The following ANK2 variants were observed in gnomAD, a reference collection of about 807,000 sequenced individuals.
ANK2 encodes ankyrin 2.
In ANK2, 83 loss-of-function variants were observed where a neutral mutation model predicts 360.5. That is an observed-to-expected ratio of 0.23 (90% CI 0.19 to 0.28). The LOEUF (loss-of-function observed/expected upper bound fraction) is 0.28. ANK2 is among the 10% of genes least tolerant of loss of function. The pLI, the probability that ANK2 is intolerant of heterozygous loss-of-function variation, is 1.00. For missense variants in ANK2, 4,201 were observed against 4,795.7 expected (o/e 0.88, Z 3.66); for synonymous variants, 1,740 against 1,759.5 (o/e 0.99, Z 0.28).
chr4:113,198,950 A>G, intron 3 of ANK2, 61 bp from the exon 4 acceptor site: 2 of 1,416,706 alleles, frequency 1.4e-6, no homozygotes, highest in Non-Finnish European at 1.0e-6. Flanking sequence ...ATGCCTGCAC[A>G]TTTTGATTTC....
intron 26 of ANK2, chr4:113,323,900 T>C (rs2088072578): frequency 1.5e-5 from 15 of 979,506 alleles, no homozygotes; most frequent in South Asian, 2.3e-5. Flanking sequence ...AGTGTGAAGA[T>C]ACCTAGCCAA....
intron 37 of ANK2, among the ~76,000 whole-genome samples, chr4:113,351,401 G>A (rs751415378): frequency 6.6e-6 from 1 of 152,070 alleles, no homozygotes; most frequent in African/African-American, 2.4e-5. Flanking sequence ...GATCTAGAAT[G>A]TTTGAGATTC....
intron 9 of ANK2, 146 bp downstream of exon 9, chr4:113,242,355 A>T (rs1023387840): frequency 2.6e-6 from 2 of 779,714 alleles, no homozygotes; most frequent in Admixed American, 2.0e-5. Context: ...CTCATACAAC[A>T]TTTAAAGGGT....
intron 15 of ANK2, among the ~76,000 whole-genome samples, chr4:113,276,312 G>A (rs1056315366): frequency 6.6e-6 from 1 of 152,162 alleles, no homozygotes; most frequent in African/African-American, 2.4e-5. Flanking sequence ...AGACATTTAA[G>A]AGGGTAAATG....
intron 4 of ANK2, among the ~76,000 whole-genome samples, chr4:113,216,889 C>CT (rs2099090934): frequency 6.8e-6 from 1 of 146,868 alleles, no homozygotes; most frequent in East Asian, 2.1e-4. Flanking sequence ...AGTTCAAACA[C>CT]TATTTTTTTT....
intron 1 of ANK2, among the ~76,000 whole-genome samples, chr4:113,063,283 G>C (rs1042154608): frequency 6.6e-6 from 1 of 152,032 alleles, no homozygotes; most frequent in African/African-American, 2.4e-5. Flanking sequence ...CATACCTGCA[G>C]CCAACATTGT....
chr4:112,907,063 A>G (rs2085494139), intron 2 of ANK2, among the ~76,000 whole-genome samples: 1 of 152,206 alleles, frequency 6.6e-6, no homozygotes, highest in Admixed American at 6.5e-5. Context: ...GATTACTTTA[A>G]CACTACAAAA....
At chr4:113,237,315 C>A in intron 6 of ANK2, 143 bp downstream of exon 6, 1 of 1,099,650 alleles carries the variant, frequency 9.1e-7, no homozygotes, top group Non-Finnish European at 1.3e-6. Context: ...AGAGGTATTT[C>A]AGAAAGAAGG....
intron 1 of ANK2, among the ~76,000 whole-genome samples, chr4:112,876,974 T>C (rs2075304790): frequency 6.6e-6 from 1 of 152,076 alleles, no homozygotes; most frequent in African/African-American, 2.4e-5. Context: ...AATTTTTTTC[T>C]ACCCAACAAT....
At chr4:112,751,136 A>G in the ANK2 span, among the ~76,000 whole-genome samples, 1 of 152,026 alleles carries the variant, frequency 6.6e-6, no homozygotes, top group African/African-American at 2.4e-5. Flanking sequence ...CTATCCCTAA[A>G]TTCTTATGCT....
chr4:112,728,308 A>AG, the ANK2 span, among the ~76,000 whole-genome samples: 4 of 150,414 alleles, frequency 2.7e-5, no homozygotes, highest in African/African-American at 9.7e-5. Context: ...AAAAAAAAAA[A>AG]AAAAAAAAAA....
the ANK2 span, among the ~76,000 whole-genome samples, chr4:112,708,178 G>A: frequency 1.3e-5 from 2 of 152,128 alleles, no homozygotes; most frequent in East Asian, 3.8e-4. Context: ...TCTACTAAGT[G>A]GTGAAATGTT....
chr4:112,823,213 A>G (rs544985956), intron 1 of ANK2, among the ~76,000 whole-genome samples: 5 of 152,330 alleles, frequency 3.3e-5, no homozygotes, highest in South Asian at 4.1e-4. Context: ...TGGATATGCA[A>G]TAGTCAGTTT....
intron 37 of ANK2, 188 bp downstream of exon 37, chr4:113,350,437 G>A (rs2095335950): frequency 5.8e-6 from 3 of 514,564 alleles, no homozygotes; most frequent in South Asian, 6.0e-5. Context: ...CCTAATTTGC[G>A]AGCTAATTAG....
intron 4 of ANK2, among the ~76,000 whole-genome samples, chr4:113,210,707 A>T (rs1297880284): frequency 6.6e-6 from 1 of 152,230 alleles, no homozygotes. Context: ...AGAAATAATT[A>T]TGTAAAACGC....
chr4:113,086,164 T>G (rs949742827), intron 1 of ANK2, among the ~76,000 whole-genome samples: 12 of 152,152 alleles, frequency 7.9e-5, no homozygotes, highest in African/African-American at 2.9e-4. Flanking sequence ...CAGAACACAT[T>G]TAGGAACCAC....
At chr4:113,207,703 A>G (rs2098969623) in intron 4 of ANK2, among the ~76,000 whole-genome samples, 1 of 146,042 alleles carries the variant, frequency 6.8e-6, no homozygotes, top group South Asian at 2.1e-4. Flanking sequence ...AAAAAAAAAA[A>G]AAAGAAGAAG....
At chr4:113,272,912 T>C (rs2059048804) in intron 14 of ANK2, among the ~76,000 whole-genome samples, 1 of 152,196 alleles carries the variant, frequency 6.6e-6, no homozygotes, top group Non-Finnish European at 1.5e-5. Context: ...TTCCTTGGTT[T>C]TTAAATTGTT....
chr4:113,358,976 G>C lies in ANK2; in HGVS notation c.10358G>C (p.Cys3453Ser), dbSNP rs1554572092. 2 of 1,613,962 alleles carry C rather than the reference G, an allele frequency of 1.2e-6. No homozygotes were observed. The highest frequency in any genetic ancestry group is 8.5e-7 in the Non-Finnish European group (1 of 1,179,984). ...PVKSRSTTSS[C>S]RGGTSPTKES... is the part of the protein sequence containing the mutation. Reference sequence around the variant, plus strand: ...AAGAGCAGAAGCACTACATCTTCCTGCAGGGGGGGCACGAGCCCCACAAAA... The same window carrying C: ...AAGAGCAGAAGCACTACATCTTCCTCCAGGGGGGGCACGAGCCCCACAAAA... Residue 3453 changes from cysteine to serine, a missense_variant, in exon 38 of 46, where the codon TGC becomes TCC. Around this residue, in one of 4 missense-constraint regions of ANK2, gnomAD observed 2,642 missense variants for 2,714.5 expected, o/e 0.97. Coordinates refer to ENST00000357077, the MANE Select transcript of ANK2 (RefSeq NM_001148.6).
Sources: gnomAD v4.1 joint callset for allele counts (sites outside exome capture counted in the v4.1 genomes callset) on GRCh38, gnomAD v4.1.1 for gene constraint, gnomAD v4.1.1 regional missense constraint, MANE v1.5 for transcripts, NCBI Gene and HGNC (gene_info 2026-07-23, HGNC 2026-07-21) for gene names.